RBFOX1: variants seen among roughly 807,000 people sequenced by gnomAD.
RBFOX1 encodes the protein RNA binding protein fox-1 homolog 1.
Under a neutral mutation model 57.7 loss-of-function variants are expected in RBFOX1, and 8 were observed. The ratio of observed to expected loss-of-function variants is 0.14; its 90% CI spans 0.08 to 0.25. RBFOX1 has a LOEUF of 0.25. RBFOX1 is among the 10% of genes least tolerant of loss of function. RBFOX1 has a pLI of 1.00. For synonymous variants in RBFOX1, 326 were observed against 222.4 expected, an observed-to-expected ratio of 1.47 and a Z score of -4.15; for missense variants, 611 against 548.5, an observed-to-expected ratio of 1.11 and a Z score of -1.14.
At chr16:7,019,493 C>G (rs919105592) in intron 3 of RBFOX1, among the ~76,000 whole-genome samples, 6 of 152,122 alleles carry the variant, frequency 3.9e-5, no homozygotes, top group Non-Finnish European at 5.9e-5. Flanking sequence ...GTCAAAAGCT[C>G]TCTTGTCTGA....
chr16:7,252,584 G>C (rs58177620), intron 4 of RBFOX1, among the ~76,000 whole-genome samples: 3,246 of 152,258 alleles, frequency 0.021, 113 homozygotes, highest in African/African-American at 0.075. Context: ...GCAATCTGTT[G>C]AGCTTTGGTA....
At chr16:7,273,305 A>G (rs1603468722) in intron 4 of RBFOX1, among the ~76,000 whole-genome samples, 1 of 145,128 alleles carries the variant, frequency 6.9e-6, no homozygotes, top group Non-Finnish European at 1.5e-5. Flanking sequence ...ATGTTACGCT[A>G]AGTTTTGGAA....
intron 3 of RBFOX1, among the ~76,000 whole-genome samples, chr16:7,021,925 CTTTAT>C (rs1568407282): frequency 2.7e-5 from 4 of 147,554 alleles, no homozygotes; most frequent in South Asian, 2.1e-4. Context: ...TTCTTTCTTT[CTTTAT>C]TTTCTTTTCT....
rs186896360 is a variant in RBFOX1, at chr16:7,241,127, C to G, written c.27+189029C>G. ...GCCATTTCTGGCTTGAGACCCGAGG[C>G]AGAAGTATCCCCTGCATTTGGAAAA... On this transcript the variant is annotated intron_variant, in intron 4 of 15. Coordinates refer to ENST00000550418, the MANE Select transcript of RBFOX1 (RefSeq NM_018723.4). 9.4e-3 allele frequency among the ~76,000 whole-genome samples: 1,425 copies of G among 152,264 alleles called. 26 individuals are homozygous for G. The highest frequency in any genetic ancestry group is 0.032 in the African/African-American group (1,338 of 41,540).
intron 4 of RBFOX1, among the ~76,000 whole-genome samples, chr16:5,969,334 T>C (rs2059915961): frequency 8.2e-6 from 1 of 122,000 alleles, no homozygotes; most frequent in African/African-American, 3.2e-5. Flanking sequence ...GGTTTGGAAA[T>C]GGAGTCTCTC....
At chr16:7,626,255 G>T (rs74011139) in intron 10 of RBFOX1, among the ~76,000 whole-genome samples, 2 of 152,186 alleles carry the variant, frequency 1.3e-5, no homozygotes, top group African/African-American at 4.8e-5. Context: ...TGTCTGTGAT[G>T]GGAAACATCC....
chr16:6,782,021 T>C (rs2081102396), intron 3 of RBFOX1, among the ~76,000 whole-genome samples: 1 of 152,130 alleles, frequency 6.6e-6, no homozygotes, highest in Admixed American at 6.6e-5. Flanking sequence ...GTTATTGTTG[T>C]TTTTTATACG....
intron 4 of RBFOX1, among the ~76,000 whole-genome samples, chr16:7,282,029 C>A (rs1308318803): frequency 6.8e-6 from 1 of 146,792 alleles, no homozygotes; most frequent in Non-Finnish European, 1.5e-5. Flanking sequence ...TCACGCCTGG[C>A]AATTTTTTTT....
At chr16:7,417,485 C>T (rs557983567) in intron 4 of RBFOX1, among the ~76,000 whole-genome samples, 1 of 151,664 alleles carries the variant, frequency 6.6e-6, no homozygotes, top group South Asian at 2.1e-4. Flanking sequence ...GACCTTGATC[C>T]AATGCATCCG....
At chr16:6,800,534 G>T (rs1023761480) in intron 3 of RBFOX1, among the ~76,000 whole-genome samples, 1 of 152,014 alleles carries the variant, frequency 6.6e-6, no homozygotes, top group Non-Finnish European at 1.5e-5. Flanking sequence ...CCGCCCTTCC[G>T]TGCACGCTAC....
At chr16:5,381,380 G>T (rs2066126666) in intron 1 of RBFOX1, among the ~76,000 whole-genome samples, 1 of 152,202 alleles carries the variant, frequency 6.6e-6, no homozygotes, top group East Asian at 1.9e-4. Context: ...GCTGTCCTTA[G>T]CAAATTGTGT....
intron 4 of RBFOX1, among the ~76,000 whole-genome samples, chr16:7,510,487 C>G (rs200222682): frequency 1.0e-4 from 15 of 149,666 alleles, no homozygotes; most frequent in Middle Eastern, 3.4e-3. Flanking sequence ...GTATGTGTGT[C>G]TGTGTGTGTG....
At chr16:7,079,358 A>T (rs577525285) in intron 4 of RBFOX1, among the ~76,000 whole-genome samples, 1 of 152,256 alleles carries the variant, frequency 6.6e-6, no homozygotes, top group South Asian at 2.1e-4. Context: ...AGCAGAGGAA[A>T]GGTATGCTGA....
At chr16:6,515,570 A>G (rs546993955) in intron 2 of RBFOX1, among the ~76,000 whole-genome samples, 7 of 152,288 alleles carry the variant, frequency 4.6e-5, no homozygotes, top group Admixed American at 6.5e-5. Context: ...GTTTAAATAG[A>G]ATAATTTTTT....
At chr16:6,557,086 T>C (rs1432987009) in intron 2 of RBFOX1, among the ~76,000 whole-genome samples, 2 of 142,494 alleles carry the variant, frequency 1.4e-5, no homozygotes, top group East Asian at 2.5e-4. Flanking sequence ...CATATATACA[T>C]ACATATACAT....
intron 4 of RBFOX1, among the ~76,000 whole-genome samples, chr16:7,292,780 T>A (rs1233927402): frequency 6.6e-6 from 1 of 151,930 alleles, no homozygotes; most frequent in African/African-American, 2.4e-5. Flanking sequence ...TGATACGAGG[T>A]GAAGGAAATG....
intron 4 of RBFOX1, among the ~76,000 whole-genome samples, chr16:7,459,962 A>C (rs1012844699): frequency 6.6e-6 from 1 of 152,178 alleles, no homozygotes; most frequent in Non-Finnish European, 1.5e-5. Context: ...ACTTTTAGCA[A>C]CAAGTAATTG....
intron 3 of RBFOX1, among the ~76,000 whole-genome samples, chr16:6,921,274 A>C (rs2153454388): frequency 6.6e-6 from 1 of 152,306 alleles, no homozygotes; most frequent in Non-Finnish European, 1.5e-5. Flanking sequence ...CTATGGGTTA[A>C]AATTTTGATA....
At chr16:6,947,667 C>T (rs993444770) in intron 3 of RBFOX1, among the ~76,000 whole-genome samples, 1 of 152,178 alleles carries the variant, frequency 6.6e-6, no homozygotes. Context: ...TCGTTATCTC[C>T]TTGGGAAAGC....
Sources: allele counts gnomAD v4.1 joint callset (sites outside exome capture counted in the v4.1 genomes callset), GRCh38; gene constraint gnomAD v4.1.1; transcripts MANE v1.5; gene names NCBI Gene and HGNC (gene_info 2026-07-23, HGNC 2026-07-21).